The following RALYL variants were observed in gnomAD, a reference collection of about 807,000 sequenced individuals.
RALYL encodes RALY RNA binding protein like.
Under a neutral mutation model 35.1 loss-of-function variants are expected in RALYL, and 29 were observed. The ratio of observed to expected loss-of-function variants is 0.83; its 90% CI spans 0.61 to 1.13. RALYL has a LOEUF of 1.13. Ranked by LOEUF, RALYL falls within the 50% of genes most tolerant of loss-of-function variation. RALYL has a pLI of 0.00. For synonymous variants in RALYL, 120 were observed against 127.6 expected (o/e 0.94, Z 0.40); for missense variants, 359 against 360.4 (o/e 1.00, Z 0.03).
Position 84,631,614 on chromosome 8 carries a change from G to T in RALYL, c.256+102037G>T, listed in dbSNP as rs192835851. Among the ~76,000 whole-genome samples, 709 of 148,800 alleles carry T rather than the reference G, an allele frequency of 4.8e-3. 2 individuals are homozygous for T. Among genetic ancestry groups the T allele is most frequent in the Admixed American group, 7.6e-3 (114 of 14,996 alleles). On this transcript the variant is annotated intron_variant, in intron 2 of 8. Transcript: ENST00000521268. ...GGGTCAAAAAGACAGTTTTTTTTTT[G>T]ATATGAAGATCTGTACATAAGTGTA...
At chr8:84,214,547 A>G (rs982248182) in intron 1 of RALYL, among the ~76,000 whole-genome samples, 7 of 152,118 alleles carry the variant, frequency 4.6e-5, no homozygotes, top group Admixed American at 3.9e-4. Flanking sequence ...CCTTTTAGTT[A>G]TATGTTAAAT....
At chr8:84,349,241 C>A (rs1233929951) in intron 1 of RALYL, among the ~76,000 whole-genome samples, 1 of 150,430 alleles carries the variant, frequency 6.6e-6, no homozygotes, top group African/African-American at 2.5e-5. Context: ...ACACTTACCA[C>A]CCATCCCTCT....
intron 2 of RALYL, among the ~76,000 whole-genome samples, chr8:84,768,065 C>G (rs1168741679): frequency 6.6e-6 from 1 of 152,150 alleles, no homozygotes; most frequent in Non-Finnish European, 1.5e-5. Context: ...TCATGTTTTA[C>G]TACAAAGCCC....
intron 2 of RALYL, among the ~76,000 whole-genome samples, chr8:84,535,375 A>G (rs570074087): frequency 6.6e-6 from 1 of 151,098 alleles, no homozygotes; most frequent in South Asian, 2.1e-4. Context: ...AGTTACTCTC[A>G]TTGATTTTGC....
chr8:84,450,345 A>G (rs755206024), intron 1 of RALYL, among the ~76,000 whole-genome samples: 4 of 151,934 alleles, frequency 2.6e-5, no homozygotes, highest in Admixed American at 1.3e-4. Flanking sequence ...GGGAGTAATA[A>G]TATGGGCTGA....
At chr8:84,278,352 C>G (rs1247167728) in intron 1 of RALYL, among the ~76,000 whole-genome samples, 1 of 152,212 alleles carries the variant, frequency 6.6e-6, no homozygotes, top group Non-Finnish European at 1.5e-5. Context: ...GTCCCTGGGC[C>G]TGGCCCAATA....
intron 1 of RALYL, among the ~76,000 whole-genome samples, chr8:84,354,018 G>T (rs1851391600): frequency 6.7e-6 from 1 of 148,840 alleles, no homozygotes; most frequent in Non-Finnish European, 1.5e-5. Context: ...GTGCTTTTGT[G>T]TGTCTTTATT....
At chr8:84,843,613 A>C (rs1833920510) in intron 4 of RALYL, among the ~76,000 whole-genome samples, 1 of 152,210 alleles carries the variant, frequency 6.6e-6, no homozygotes, top group Non-Finnish European at 1.5e-5. Context: ...ATTGGAAAAC[A>C]CTACTTTAAA....
intron 1 of RALYL, among the ~76,000 whole-genome samples, chr8:84,191,614 A>G (rs1335630814): frequency 6.6e-6 from 1 of 152,234 alleles, no homozygotes; most frequent in Non-Finnish European, 1.5e-5. Context: ...GGTCAAAGAC[A>G]AATAAGGCTG....
At chr8:84,756,778 T>A (rs1256579740) in intron 2 of RALYL, among the ~76,000 whole-genome samples, 1 of 139,168 alleles carries the variant, frequency 7.2e-6, no homozygotes, top group Non-Finnish European at 1.6e-5. Flanking sequence ...TTGTAAAAGG[T>A]GTTTTTTTTT....
At position 84,387,702 on chromosome 8, in the gene RALYL, C is replaced by A. The variant is rs372589071; in HGVS notation, c.-23-141597C>A. 1.3e-4 allele frequency among the ~76,000 whole-genome samples: 20 copies of A among 151,912 alleles called. 2 individuals carry two copies. In the South Asian group the frequency reaches 3.3e-3, roughly 25 times the overall value. On this transcript the variant is annotated intron_variant, in intron 1 of 8. Transcript: ENST00000521268. ...ATCTTTCTGACAAAGGACATATTCGCTTTAGCTACCACTCAGCTCCAGCTC... is the reference window on the plus strand; with the variant it reads ...ATCTTTCTGACAAAGGACATATTCGATTTAGCTACCACTCAGCTCCAGCTC...
At chr8:84,843,075 C>G (rs141396598) in intron 4 of RALYL, among the ~76,000 whole-genome samples, 5,530 of 152,252 alleles carry the variant, frequency 0.036, 336 homozygotes, top group African/African-American at 0.13. Flanking sequence ...GATGCCCTCT[C>G]TCACCACTCC....
chr8:84,483,375 T>C (rs1056353181), intron 1 of RALYL, among the ~76,000 whole-genome samples: 1 of 152,150 alleles, frequency 6.6e-6, no homozygotes, highest in Non-Finnish European at 1.5e-5. Flanking sequence ...AGGGTATTCA[T>C]TGCTATTGCA....
At chr8:84,829,549 C>T (rs1310909975) in intron 4 of RALYL, 1 of 152,216 alleles carries the variant, frequency 6.6e-6, no homozygotes, top group Non-Finnish European at 1.5e-5. Context: ...AGGTCCCACT[C>T]TCACTTCCCA....
intron 2 of RALYL, among the ~76,000 whole-genome samples, chr8:84,730,377 A>T (rs891639107): frequency 2.6e-5 from 4 of 152,186 alleles, no homozygotes; most frequent in African/African-American, 4.8e-5. Context: ...TATTGATGGG[A>T]TGTATCTCAA....
chr8:84,251,059 A>G (rs994301441), intron 1 of RALYL, among the ~76,000 whole-genome samples: 23 of 152,300 alleles, frequency 1.5e-4, no homozygotes, highest in Admixed American at 3.9e-4. Flanking sequence ...CCAAAACACA[A>G]CATGACAGGT....
intron 8 of RALYL, among the ~76,000 whole-genome samples, chr8:84,919,445 G>A (rs1056433515): frequency 1.3e-5 from 2 of 152,008 alleles, no homozygotes; most frequent in African/African-American, 4.8e-5. Flanking sequence ...ACAAAAAGTA[G>A]TCTACTTATG....
intron 1 of RALYL, among the ~76,000 whole-genome samples, chr8:84,378,003 G>A (rs766840696): frequency 2.6e-5 from 4 of 151,960 alleles, no homozygotes; most frequent in South Asian, 2.1e-4. Context: ...ACTGGCTAGC[G>A]CTCTTGAAGT....
chr8:84,516,021 AG>A (rs2058035310), intron 1 of RALYL, among the ~76,000 whole-genome samples: 1 of 1,818 alleles, frequency 5.5e-4, no homozygotes, highest in Non-Finnish European at 1.2e-3. Context: ...GGGGCAGGGT[AG>A]GGGGCGGTGT....
Sources: gnomAD v4.1 joint callset for allele counts (sites outside exome capture counted in the v4.1 genomes callset) on GRCh38, gnomAD v4.1.1 for gene constraint, MANE v1.5 for transcripts, NCBI Gene and HGNC (gene_info 2026-07-23, HGNC 2026-07-21) for gene names.